Variants in NRP1 observed in about 807,000 individuals in gnomAD.
NRP1 encodes the protein neuropilin-1.
Under a neutral mutation model 106.7 loss-of-function variants are expected in NRP1, and 35 were observed. The ratio of observed to expected loss-of-function variants is 0.33; its 90% confidence interval spans 0.25 to 0.43. The LOEUF is 0.43. NRP1 is among the 20% of genes least tolerant of loss of function. The pLI, the probability that NRP1 is intolerant of heterozygous loss-of-function variation, is 1.00. For synonymous variants in NRP1, 437 were observed against 417.9 expected (o/e 1.05, Z -0.56); for missense variants, 1,024 against 1,170.4 (o/e 0.87, Z 1.83).
At chr10:33,262,722 A>T (rs1259321288) in intron 4 of NRP1, among the ~76,000 whole-genome samples, 1 of 149,812 alleles carries the variant, frequency 6.7e-6, no homozygotes, top group East Asian at 2.0e-4. Flanking sequence ...AAAAAAAAAA[A>T]GTCTAACCTC....
intron 7 of NRP1, among the ~76,000 whole-genome samples, chr10:33,222,949 A>T (rs986405179): frequency 2.6e-5 from 4 of 152,238 alleles, no homozygotes; most frequent in African/African-American, 9.6e-5. Context: ...AGCATTCTCC[A>T]GTAAGATCTC....
At chr10:33,272,358 T>G (rs1051518549) in intron 2 of NRP1, among the ~76,000 whole-genome samples, 1 of 152,238 alleles carries the variant, frequency 6.6e-6, no homozygotes, top group African/African-American at 2.4e-5. Flanking sequence ...CTACATATGA[T>G]GCTTCCAGTA....
intron 8 of NRP1, among the ~76,000 whole-genome samples, chr10:33,216,283 G>T (rs1024669397): frequency 6.6e-6 from 1 of 151,472 alleles, no homozygotes; most frequent in African/African-American, 2.4e-5. Context: ...GACTCCAGGC[G>T]CCTGCCACCA....
intron 4 of NRP1, among the ~76,000 whole-genome samples, chr10:33,262,160 C>A (rs1285779139): frequency 6.6e-6 from 1 of 152,168 alleles, no homozygotes; most frequent in Non-Finnish European, 1.5e-5. Flanking sequence ...CCAAGCCATC[C>A]TCTCTGATCT....
At chr10:33,333,025 A>G (rs1295405213) in intron 1 of NRP1, among the ~76,000 whole-genome samples, 2 of 152,188 alleles carry the variant, frequency 1.3e-5, no homozygotes, top group Non-Finnish European at 2.9e-5. Flanking sequence ...CAGGGTTACT[A>G]TAATTTCTAG....
At chr10:33,237,223 G>C (rs1342508493) in intron 6 of NRP1, among the ~76,000 whole-genome samples, 1 of 152,138 alleles carries the variant, frequency 6.6e-6, no homozygotes, top group Non-Finnish European at 1.5e-5. Flanking sequence ...TGTATGCCAG[G>C]ATCTGGAAGC....
At chr10:33,187,386 T>A (rs138168732) in intron 13 of NRP1, among the ~76,000 whole-genome samples, 2 of 152,304 alleles carry the variant, frequency 1.3e-5, no homozygotes, top group East Asian at 3.9e-4. Context: ...CTTTTCAAGT[T>A]CAGATTATTT....
chr10:33,288,683 T>C (rs945494560), intron 2 of NRP1: 1 of 152,222 alleles, frequency 6.6e-6, no homozygotes, highest in Non-Finnish European at 1.5e-5. Flanking sequence ...TGGCATCCCT[T>C]TCTAGATGTT....
intron 2 of NRP1, among the ~76,000 whole-genome samples, chr10:33,330,444 C>G (rs1165646146): frequency 6.6e-6 from 1 of 151,740 alleles, no homozygotes; most frequent in Non-Finnish European, 1.5e-5. Context: ...GTATACATTT[C>G]TTAACAAGAG....
chr10:33,285,833 A>AAAAACAAAACAAAAC (rs56400487), intron 2 of NRP1, among the ~76,000 whole-genome samples: 183 of 148,176 alleles, frequency 1.2e-3, no homozygotes, highest in East Asian at 1.8e-3. Flanking sequence ...ACTCCATCTC[A>AAAAACAAAACAAAAC]AAAACAAAAC....
intron 6 of NRP1, among the ~76,000 whole-genome samples, chr10:33,252,060 C>T (rs1253753229): frequency 2.0e-5 from 3 of 152,240 alleles, no homozygotes; most frequent in African/African-American, 2.4e-5. Flanking sequence ...TAACCCGAGA[C>T]CCTAGCGGGC....
chr10:33,244,737 TA>T (rs914596365), intron 6 of NRP1, among the ~76,000 whole-genome samples: 10 of 151,922 alleles, frequency 6.6e-5, no homozygotes, highest in Admixed American at 1.3e-4. Context: ...ATATTTGAAT[TA>T]AAAAAAATAA....
chr10:33,202,806 A>G, intron 11 of NRP1, 85 bp downstream of exon 11: 1 of 1,612,428 alleles, frequency 6.2e-7, no homozygotes, highest in Non-Finnish European at 8.5e-7. Context: ...ATGCGGAGTT[A>G]CAAGCACACA....
chr10:33,334,063 T>C (rs1002613510), intron 1 of NRP1, among the ~76,000 whole-genome samples: 8 of 152,202 alleles, frequency 5.3e-5, no homozygotes, highest in African/African-American at 1.9e-4. Flanking sequence ...CTCTGTCTTG[T>C]AACAGAGGTA....
At chr10:33,279,388 G>A (rs576391586) in intron 2 of NRP1, among the ~76,000 whole-genome samples, 2 of 152,260 alleles carry the variant, frequency 1.3e-5, no homozygotes, top group East Asian at 3.9e-4. Context: ...GCAGCTGCAG[G>A]GCTGAAGCCT....
At position 33,221,662 on chromosome 10, in the gene NRP1, TCAAAA is replaced by T. The variant is rs1588760192; in HGVS notation, c.1282+52_1282+56del. 42 of 1,563,294 alleles carry T rather than the reference TCAAAA, an allele frequency of 2.7e-5. No homozygotes were observed. The East Asian group carries it at 4.3e-4, about 16-fold the overall frequency. On this transcript the variant is annotated intron_variant, in intron 8 of 16. Transcript: ENST00000374867. ...CCCTGTATTTAAAGGTTTGCATAAATCAAAACAAGACAATCTTCGACTTGGAAGAT... is the reference window on the plus strand; with the variant it reads ...CCCTGTATTTAAAGGTTTGCATAAATCAAGACAATCTTCGACTTGGAAGAT...
chr10:33,260,239 G>A (rs1393209972), intron 4 of NRP1, among the ~76,000 whole-genome samples: 1 of 151,904 alleles, frequency 6.6e-6, no homozygotes, highest in Non-Finnish European at 1.5e-5. Context: ...TACAAAATAG[G>A]CCATCTATAT....
At chr10:33,232,089 G>C (rs1840180985) in intron 6 of NRP1, among the ~76,000 whole-genome samples, 1 of 152,010 alleles carries the variant, frequency 6.6e-6, no homozygotes, top group Admixed American at 6.6e-5. Flanking sequence ...TTAGCTTTTT[G>C]AATCATGCTA....
intron 6 of NRP1, among the ~76,000 whole-genome samples, chr10:33,236,826 A>G (rs1052773826): frequency 1.3e-5 from 2 of 152,186 alleles, no homozygotes; most frequent in African/African-American, 4.8e-5. Context: ...TTTTGTTACT[A>G]TTAAAAACTT....
Sources: gnomAD v4.1 joint callset for allele counts (sites outside exome capture counted in the v4.1 genomes callset) on GRCh38, gnomAD v4.1.1 for gene constraint, MANE v1.5 for transcripts, NCBI Gene and HGNC (gene_info 2026-07-23, HGNC 2026-07-21) for gene names.